The following GNAL variants were observed in gnomAD, a reference collection of about 807,000 sequenced individuals.
GNAL encodes G protein subunit alpha L.
Under a neutral mutation model 55.1 loss-of-function variants are expected in GNAL, and 18 were observed. That is an observed-to-expected ratio of 0.33 (90% CI 0.23 to 0.48). GNAL has a LOEUF of 0.48. Among genes scored for constraint, GNAL ranks in the 20% least tolerant of loss-of-function variants. GNAL has a pLI of 0.99. For synonymous variants in GNAL, 253 were observed against 237.0 expected, an observed-to-expected ratio of 1.07 and a Z score of -0.62; for missense variants, 412 against 614.1, an observed-to-expected ratio of 0.67 and a Z score of 3.48.
intron 4 of GNAL, among the ~76,000 whole-genome samples, chr18:11,790,075 T>G (rs944555279): frequency 6.6e-5 from 10 of 152,046 alleles, no homozygotes; most frequent in Admixed American, 4.6e-4. Flanking sequence ...CCAGGAAGGG[T>G]GCTGTTGTTC....
At chr18:11,793,868 C>T (rs906102413) in intron 4 of GNAL, among the ~76,000 whole-genome samples, 17 of 148,246 alleles carry the variant, frequency 1.1e-4, no homozygotes, top group Non-Finnish European at 2.1e-4. Flanking sequence ...CGAGATTGCA[C>T]GCCACTGCAC....
At chr18:11,825,135 T>C (rs1027497464) in intron 5 of GNAL, 120 bp downstream of exon 5, 2 of 630,498 alleles carry the variant, frequency 3.2e-6, no homozygotes, top group Non-Finnish European at 5.6e-6. Context: ...TAACCTTTTA[T>C]GACAGAAATC....
At chr18:11,818,498 A>G (rs1196501033) in intron 4 of GNAL, among the ~76,000 whole-genome samples, 1 of 152,252 alleles carries the variant, frequency 6.6e-6, no homozygotes, top group African/African-American at 2.4e-5. Flanking sequence ...AGGTTCCCGT[A>G]AAAGGTTACA....
chr18:11,834,536 T>C (rs889749113), intron 5 of GNAL, among the ~76,000 whole-genome samples: 31 of 151,096 alleles, frequency 2.1e-4, no homozygotes, highest in Non-Finnish European at 4.0e-4. Flanking sequence ...CCTGGGTCTC[T>C]AGTGTCTACA....
rs535179323 is a variant in GNAL at position 11,818,573 on chromosome 18, A to G, written c.625-6345A>G. Among the ~76,000 whole-genome samples the G allele has an allele frequency of 5.9e-5, 9 of 152,336 alleles. No individual in the cohort carries two copies. The South Asian group carries it at 1.2e-3, about 21-fold the overall frequency. On this transcript the variant is annotated intron_variant, in intron 4 of 11. Transcript: ENST00000334049. ...CAGAAAGGATTTAGTGCTGCTCACA[A>G]AGTTACAATACAAGTTAATAAAGCA... is the stretch of plus-strand genomic sequence containing the variant.
At chr18:11,711,280 C>A (rs1198875788) in intron 1 of GNAL, among the ~76,000 whole-genome samples, 2 of 152,174 alleles carry the variant, frequency 1.3e-5, no homozygotes, top group African/African-American at 4.8e-5. Context: ...ACCATTATTT[C>A]TTTTAATAAG....
At chr18:11,855,489 CA>C (rs1404091541) in intron 5 of GNAL, among the ~76,000 whole-genome samples, 1 of 152,172 alleles carries the variant, frequency 6.6e-6, no homozygotes, top group Non-Finnish European at 1.5e-5. Context: ...GATTAATTCA[CA>C]AAATACTTTC....
intron 4 of GNAL, among the ~76,000 whole-genome samples, chr18:11,772,625 G>A (rs912720385): frequency 2.0e-5 from 3 of 152,088 alleles, no homozygotes; most frequent in Admixed American, 6.5e-5. Context: ...GGGCATTAGC[G>A]CAACTCTCTA....
intron 10 of GNAL, among the ~76,000 whole-genome samples, chr18:11,873,642 A>G (rs1207249615): frequency 2.6e-5 from 4 of 152,318 alleles, no homozygotes; most frequent in South Asian, 4.1e-4. Flanking sequence ...GCAGTTCATC[A>G]CTGCCTTGCT....
At chr18:11,746,053 T>C in intron 1 of GNAL, 1 of 391,284 alleles carries the variant, frequency 2.6e-6, no homozygotes, top group East Asian at 6.0e-5. Flanking sequence ...TGGATTTTGG[T>C]TGTGTCTTCA....
intron 5 of GNAL, among the ~76,000 whole-genome samples, chr18:11,831,713 G>A (rs1468121121): frequency 6.6e-6 from 1 of 152,248 alleles, no homozygotes; most frequent in Non-Finnish European, 1.5e-5. Flanking sequence ...AATTCCAGAG[G>A]GAGCAGGGGA....
chr18:11,721,889 AAAATAAATAAAT>A (rs145268603), intron 1 of GNAL, among the ~76,000 whole-genome samples: 13,348 of 145,874 alleles, frequency 0.092, 704 homozygotes, highest in Middle Eastern at 0.16. Context: ...TCTGTCTCAA[AAAATAAATAAAT>A]AAATAAATAA....
At chr18:11,761,047 C>T (rs145792670) in intron 4 of GNAL, among the ~76,000 whole-genome samples, 34 of 152,280 alleles carry the variant, frequency 2.2e-4, no homozygotes, top group African/African-American at 7.0e-4. Flanking sequence ...GCAGAGCTAG[C>T]GCCATTCTTG....
intron 5 of GNAL, among the ~76,000 whole-genome samples, chr18:11,832,823 G>C (rs1283456490): frequency 6.6e-6 from 1 of 151,826 alleles, no homozygotes; most frequent in African/African-American, 2.4e-5. Flanking sequence ...CCACGCCATT[G>C]CACTCCAGTC....
At chr18:11,789,623 A>G (rs2034172766) in intron 4 of GNAL, among the ~76,000 whole-genome samples, 1 of 152,250 alleles carries the variant, frequency 6.6e-6, no homozygotes, top group African/African-American at 2.4e-5. Flanking sequence ...GCATAAACAA[A>G]ATGTACTTTA....
At chr18:11,753,053 T>A in intron 2 of GNAL, 128 bp downstream of exon 2, 2 of 596,376 alleles carry the variant, frequency 3.4e-6, no homozygotes, top group African/African-American at 2.1e-5. Context: ...GGGGAAAAAA[T>A]TAGATATTTG....
chr18:11,837,809 A>G (rs989158595), intron 5 of GNAL, among the ~76,000 whole-genome samples: 13 of 152,220 alleles, frequency 8.5e-5, no homozygotes, highest in Admixed American at 3.3e-4. Context: ...AAAAACTTCT[A>G]GGCAAATACT....
chr18:11,691,537 T>G (rs1446119968), intron 1 of GNAL, among the ~76,000 whole-genome samples: 1 of 149,576 alleles, frequency 6.7e-6, no homozygotes, highest in Non-Finnish European at 1.5e-5. Context: ...TCCTTGCCCA[T>G]GCCTATGTCC....
At position 11,772,005 on chromosome 18, in the gene GNAL, C is replaced by T. The variant is rs564140761; in HGVS notation, c.624+18060C>T. On this transcript the variant is annotated intron_variant, in intron 4 of 11. Coordinates refer to ENST00000334049, the MANE Select transcript of GNAL (RefSeq NM_182978.4). ...CAAAGTGCTGGGATTACTGGTGCCCCGCCCCTGTGTGCAAATTTGGACACC... is the reference window on the plus strand; with the variant it reads ...CAAAGTGCTGGGATTACTGGTGCCCTGCCCCTGTGTGCAAATTTGGACACC... Among the ~76,000 whole-genome samples, 34 of 152,128 alleles carry T rather than the reference C, an allele frequency of 2.2e-4. 1 individual carries two copies. In the South Asian group the frequency reaches 6.0e-3, roughly 27 times the overall value.
Sources: allele counts gnomAD v4.1 joint callset (sites outside exome capture counted in the v4.1 genomes callset), GRCh38; gene constraint gnomAD v4.1.1; transcripts MANE v1.5; gene names NCBI Gene and HGNC (gene_info 2026-07-23, HGNC 2026-07-21).